The following CCM2 variants were observed in gnomAD, a reference collection of about 807,000 sequenced individuals.
The protein encoded by CCM2 is CCM2 scaffold protein.
Under a neutral mutation model 44.9 loss-of-function variants are expected in CCM2, and 25 were observed. That is an observed-to-expected ratio of 0.56 (90% CI 0.41 to 0.78). The LOEUF is 0.78. Among genes scored for constraint, CCM2 ranks in the 30% least tolerant of loss-of-function variants. CCM2 has a pLI of 0.00. For synonymous variants in CCM2, 219 were observed against 241.1 expected, an observed-to-expected ratio of 0.91 and a Z score of 0.85; for missense variants, 481 against 580.6, an observed-to-expected ratio of 0.83 and a Z score of 1.76.
intron 7 of CCM2, chr7:45,073,072 AGCCTGC>A (rs1413138931): frequency 3.4e-6 from 2 of 593,608 alleles, no homozygotes; most frequent in African/African-American, 3.7e-5. Context: ...CCCCTGCCCG[AGCCTGC>A]CGAGGCGCTG....
intron 2 of CCM2, among the ~76,000 whole-genome samples, chr7:45,053,063 G>A (rs1184505923): frequency 2.0e-5 from 3 of 152,226 alleles, no homozygotes; most frequent in Non-Finnish European, 4.4e-5. Context: ...CTTTCAGGTG[G>A]ACCTGGCTGG....
intron 2 of CCM2, among the ~76,000 whole-genome samples, chr7:45,046,856 A>G (rs956582940): frequency 6.6e-6 from 1 of 152,222 alleles, no homozygotes; most frequent in East Asian, 1.9e-4. Flanking sequence ...TACAGTATAT[A>G]AAGAACTCTC....
intron 2 of CCM2, among the ~76,000 whole-genome samples, chr7:45,055,460 G>A (rs1798212619): frequency 6.6e-6 from 1 of 152,136 alleles, no homozygotes; most frequent in South Asian, 2.1e-4. Context: ...AGGCTAAGGC[G>A]GGTGGATCAC....
At chr7:45,003,401 C>T (rs1397714281) in intron 1 of CCM2, among the ~76,000 whole-genome samples, 1 of 152,110 alleles carries the variant, frequency 6.6e-6, no homozygotes, top group East Asian at 1.9e-4. Context: ...CTTGGATGCA[C>T]TTAAGTTGGG....
rs73694271 is a variant in CCM2 at position 45,069,985 on chromosome 7, C to T, written c.745+24C>T. ...CGGTATGTTGAGTGAGAGTGGGCAG[C>T]GGGTGGGAGCAGGGACAGGAGGGGC... is the stretch of plus-strand genomic sequence containing the variant. On this transcript the variant is annotated intron_variant, in intron 6 of 9. Transcript: ENST00000258781. The T allele has an allele frequency of 1.8e-3, 2,824 of 1,612,154 alleles. 42 individuals carry two copies. The African/African-American group carries it at 0.033, about 19-fold the overall frequency.
Position 45,038,335 on chromosome 7 carries a change from A to G in CCM2, c.113A>G (p.Glu38Gly). The G allele has an allele frequency of 6.2e-7, 1 of 1,614,196 alleles. No homozygotes were observed. Among genetic ancestry groups the G allele is most frequent in the Non-Finnish European group, 8.5e-7 (1 of 1,180,028 alleles). The change falls in exon 2 of 10, where the codon GAG becomes GGG. Residue 38 changes from glutamate to glycine, a missense_variant. Physicochemically the swap from Glu to Gly is moderately conservative, Grantham distance 98 (BLOSUM62 -2). Transcript: ENST00000258781. ...RDKKAHEKVT[E>G]RRPLHTVVLS... is the part of the protein sequence containing the mutation. ...AAGAAAGCCCATGAGAAGGTGACAG[A>G]GAGGCGCCCTCTGCACACTGTGGTG...
chr7:45,018,208 G>C (rs1265062435), intron 1 of CCM2, among the ~76,000 whole-genome samples: 2 of 152,138 alleles, frequency 1.3e-5, no homozygotes, highest in African/African-American at 4.8e-5. Flanking sequence ...GGTAATGCTT[G>C]CTGGCCCTCC....
Position 45,004,226 on chromosome 7 carries a change from TTAAA to T in CCM2, c.30+3867_30+3870del, listed in dbSNP as rs1362027841. The stretch of plus-strand genomic sequence containing the variant: ...TTCCCTAGAAATGTAGGACTAGATA[TTAAA>T]TAATAAATAAGGAATTATTAATTTT... On this transcript the variant is annotated intron_variant, in intron 1 of 9. Coordinates refer to ENST00000258781, the MANE Select transcript of CCM2 (RefSeq NM_031443.4). 4.6e-5 allele frequency among the ~76,000 whole-genome samples: 7 copies of T among 152,300 alleles called. 1 individual carries two copies. The highest frequency in any genetic ancestry group is 1.7e-4 in the African/African-American group (7 of 41,564).
intron 2 of CCM2, among the ~76,000 whole-genome samples, chr7:45,043,227 C>T (rs1167632544): frequency 6.6e-6 from 1 of 152,016 alleles, no homozygotes; most frequent in African/African-American, 2.4e-5. Context: ...CCTCAGCCTC[C>T]CAAAGTCCTG....
At chr7:45,006,744 CAG>C (rs1468333950) in intron 1 of CCM2, among the ~76,000 whole-genome samples, 2 of 152,102 alleles carry the variant, frequency 1.3e-5, no homozygotes, top group Admixed American at 1.3e-4. Flanking sequence ...TATTAGGACA[CAG>C]AGAGGAATGA....
chr7:45,008,617 C>G (rs1196264730), intron 1 of CCM2, among the ~76,000 whole-genome samples: 1 of 150,932 alleles, frequency 6.6e-6, no homozygotes, highest in Non-Finnish European at 1.5e-5. Flanking sequence ...CTACCTCGGC[C>G]TCCCAAAGTA....
rs573185726 is a variant in CCM2 at position 45,062,024 on chromosome 7, G to A, written c.205-1894G>A. On this transcript the variant is annotated intron_variant, in intron 2 of 9. Coordinates refer to ENST00000258781, the MANE Select transcript of CCM2 (RefSeq NM_031443.4). Reference sequence around the variant, plus strand: ...GTGCTGGCTCTAGGGTTTCTGCCCCGCAATGAGCTGTGATTCTTAGCATTG... The same window carrying A: ...GTGCTGGCTCTAGGGTTTCTGCCCCACAATGAGCTGTGATTCTTAGCATTG... Among the ~76,000 whole-genome samples the A allele has an allele frequency of 1.6e-3, 240 of 152,246 alleles. 2 individuals carry two copies. The highest frequency in any genetic ancestry group is 3.0e-3 in the Non-Finnish European group (206 of 68,028).
chr7:45,054,413 A>G (rs1217805291), intron 2 of CCM2, among the ~76,000 whole-genome samples: 1 of 151,980 alleles, frequency 6.6e-6, no homozygotes, highest in East Asian at 1.9e-4. Flanking sequence ...TAGGGCCCAG[A>G]CCCTGCCACG....
At chr7:45,016,657 G>C (rs1316584582) in intron 1 of CCM2, among the ~76,000 whole-genome samples, 2 of 131,112 alleles carry the variant, frequency 1.5e-5, no homozygotes, top group Non-Finnish European at 3.3e-5. Flanking sequence ...TTTTGAGATG[G>C]AGTCTTGCTC....
chr7:45,069,888 C>T lies in CCM2; in HGVS notation c.672C>T (p.Ser224=), dbSNP rs769268366. 32 of 1,614,070 alleles carry T rather than the reference C, an allele frequency of 2.0e-5. No individual in the cohort carries two copies. Among genetic ancestry groups the T allele is most frequent in the Non-Finnish European group, 2.5e-5 (29 of 1,180,036 alleles). ...TCTTCCAGGTTGTTTACACGGAGTC[C>T]ACCATCGACTTTCTGGACAGAGCGA... ...GQVFQVVYTE[S]TIDFLDRAIF... Residue 224 remains serine, a synonymous_variant, in exon 6 of 10, where the codon TCC becomes TCT. Coordinates refer to ENST00000258781, the MANE Select transcript of CCM2 (RefSeq NM_031443.4).
At chr7:45,060,810 G>A (rs1013896306) in intron 2 of CCM2, among the ~76,000 whole-genome samples, 5 of 152,146 alleles carry the variant, frequency 3.3e-5, no homozygotes, top group Non-Finnish European at 5.9e-5. Flanking sequence ...TTCCATCTCT[G>A]CTTATGCTGC....
intron 1 of CCM2, among the ~76,000 whole-genome samples, chr7:45,004,961 G>A (rs946371347): frequency 8.0e-5 from 12 of 149,580 alleles, no homozygotes; most frequent in East Asian, 2.0e-4. Flanking sequence ...GTGCCATTGC[G>A]CTCCAGCCTG....
intron 2 of CCM2, among the ~76,000 whole-genome samples, chr7:45,054,872 A>G (rs1798185325): frequency 1.3e-5 from 2 of 152,334 alleles, no homozygotes; most frequent in African/African-American, 4.8e-5. Context: ...CCCAGGGCAG[A>G]TGGGGAGCCC....
chr7:45,035,631 C>T (rs73107931), intron 1 of CCM2, among the ~76,000 whole-genome samples: 357 of 152,108 alleles, frequency 2.3e-3, no homozygotes, highest in Non-Finnish European at 4.1e-3. Context: ...GTGAAGAAGG[C>T]GGATGCAGGG....
Sources: gnomAD v4.1 joint callset for allele counts (sites outside exome capture counted in the v4.1 genomes callset) on GRCh38, gnomAD v4.1.1 for gene constraint, MANE v1.5 for transcripts, NCBI Gene and HGNC (gene_info 2026-07-23, HGNC 2026-07-21) for gene names.